Variants in PHKG1 observed in about 807,000 individuals in gnomAD.
PHKG1 encodes the protein phosphorylase kinase catalytic subunit gamma 1.
PHKG1 carries 48 observed loss-of-function variants against 50.5 expected under a neutral mutation model. The observed-to-expected ratio is 0.95, with a 90% confidence interval of 0.75 to 1.21. PHKG1 has a LOEUF of 1.21. PHKG1 is among the 50% of genes most tolerant of loss of function. The pLI is 0.00. For synonymous variants in PHKG1, 204 were observed against 212.8 expected (o/e 0.96, Z 0.36); for missense variants, 487 against 519.5 (o/e 0.94, Z 0.61).
At chr7:56,084,309 G>T in intron 4 of PHKG1, 1 of 946,740 alleles carries the variant, frequency 1.1e-6, no homozygotes, top group Non-Finnish European at 1.6e-6. Context: ...GGCTGAAAGA[G>T]GGGACTATGA....
At chr7:56,087,817 C>A (rs769877388) in intron 2 of PHKG1, 41 bp from the exon 3 acceptor site, 4 of 1,548,460 alleles carry the variant, frequency 2.6e-6, no homozygotes, top group Non-Finnish European at 3.5e-6. Context: ...GGGCCCCTCA[C>A]CCCATGGGGG....
chr7:56,082,345 C>T lies in PHKG1; in HGVS notation c.548-92G>A, dbSNP rs369287348. ...CAGTGGCTCATTTCTATAATCCTAGCACTTTGGGAGGCCGAGGCAGGTGGC... is the reference window on the plus strand; with the variant it reads ...CAGTGGCTCATTTCTATAATCCTAGTACTTTGGGAGGCCGAGGCAGGTGGC... On this transcript the variant is annotated intron_variant, in intron 6 of 9. Coordinates refer to ENST00000297373, the MANE Select transcript of PHKG1 (RefSeq NM_006213.5). The T allele has an allele frequency of 7.9e-6, 8 of 1,010,176 alleles. No individual in the cohort carries two copies. In the East Asian group the frequency reaches 1.2e-4, roughly 15 times the overall value. 62.6% of individuals were successfully genotyped at this position (1,010,176 alleles called of 1,614,324 possible). A position where few individuals can be genotyped will look rare whatever the true frequency, so the allele number is the denominator to read the frequency against.
chr7:56,083,539 G>A, intron 5 of PHKG1, 98 bp from the exon 6 acceptor site: 5 of 1,521,256 alleles, frequency 3.3e-6, no homozygotes, highest in Middle Eastern at 1.8e-4. Flanking sequence ...CAAGGGAGCA[G>A]CACACACGCC....
At chr7:56,084,300 G>A (rs1235010096) in intron 4 of PHKG1, 2 of 1,015,562 alleles carry the variant, frequency 2.0e-6, no homozygotes, top group South Asian at 1.4e-5. Flanking sequence ...ATGGCTGGAG[G>A]CTGAAAGAGG....
In PHKG1 at chr7:56,087,760, C is replaced by T; in HGVS notation, c.100G>A (p.Val34Ile). 3 of 1,612,452 alleles carry T rather than the reference C, an allele frequency of 1.9e-6. No homozygotes were observed. The highest frequency in any genetic ancestry group is 1.7e-6 in the Non-Finnish European group (2 of 1,179,936). The change falls in exon 3 of 10, where the codon GTC (valine) becomes ATC (isoleucine). Residue 34 changes from valine to isoleucine, a missense_variant. Coordinates refer to ENST00000297373, the MANE Select transcript of PHKG1 (RefSeq NM_006213.5). ...GTGGGCTTGTGGATGCATCGCCTGA[C>T]CACACTGCTAACGCCCCTGGGAGTG... ...EILGRGVSSV[V>I]RRCIHKPTSQ...
chr7:56,081,415 G>A lies in PHKG1; in HGVS notation c.919-116C>T. On this transcript the variant is annotated intron_variant, in intron 9 of 9. Transcript: ENST00000297373. The surrounding 1 kb of genome is among the most constrained non-coding windows in gnomAD (Gnocchi z 4.6). ...CGAAGCCTTGGGTGGCTTCTGCGGG[G>A]CCTTCCTAGTGTCCCCCACTTCCCA... The A allele has an allele frequency of 7.3e-7, 1 of 1,378,722 alleles. No homozygotes were observed. Among genetic ancestry groups the A allele is most frequent in the Non-Finnish European group, 9.7e-7 (1 of 1,028,248 alleles). The allele number at this position is 1,378,722 out of a possible 1,614,324, so 85.4% of individuals were successfully genotyped here. A position where few individuals can be genotyped will look rare whatever the true frequency, so the allele number is the denominator to read the frequency against.
intron 6 of PHKG1, chr7:56,083,056 A>G (rs1584621764): frequency 2.1e-6 from 1 of 466,478 alleles, no homozygotes; most frequent in Non-Finnish European, 3.9e-6. Flanking sequence ...CAGTGAGCCG[A>G]GATTGTGCCA....
rs530742425 is a variant in PHKG1 at position 56,081,575 on chromosome 7, G to A, written c.918+55C>T. ...TGTAAGGACTCCTGGGAGAGGAGGGGGCTTAGAGGTTTGCACTTAGGGAGC... is the reference window on the plus strand; with the variant it reads ...TGTAAGGACTCCTGGGAGAGGAGGGAGCTTAGAGGTTTGCACTTAGGGAGC... On this transcript the variant is annotated intron_variant, in intron 9 of 9. Coordinates refer to ENST00000297373, the MANE Select transcript of PHKG1 (RefSeq NM_006213.5). The surrounding 1 kb of genome is among the most constrained non-coding windows in gnomAD (Gnocchi z 4.6). 2.5e-6 allele frequency: 4 copies of A among 1,596,570 alleles called. No homozygotes were observed. In the South Asian group the frequency reaches 4.4e-5, roughly 18 times the overall value.
At position 56,080,918 on chromosome 7, in the gene PHKG1, C is replaced by T; in HGVS notation, c.*136G>A. Reference sequence around the variant, plus strand: ...CACAGCCTTTGAGAGGGGATCGTGGCCTCAGTTCCAGGGGTTCCTGGCCAG... The same window carrying T: ...CACAGCCTTTGAGAGGGGATCGTGGTCTCAGTTCCAGGGGTTCCTGGCCAG... On this transcript the variant is annotated 3_prime_UTR_variant, in exon 10 of 10. Transcript: ENST00000297373. 3 of 1,006,600 alleles carry T rather than the reference C, an allele frequency of 3.0e-6. No individual in the cohort carries two copies. Among genetic ancestry groups the T allele is most frequent in the East Asian group, 2.6e-5 (1 of 38,408 alleles). 62.4% of individuals were successfully genotyped at this position (1,006,600 alleles called of 1,614,324 possible). A position where few individuals can be genotyped will look rare whatever the true frequency, so the allele number is the denominator to read the frequency against.
In PHKG1 at chr7:56,088,918, CG is replaced by C; in HGVS notation, c.23del (p.Pro8ArgfsTer41). 6.2e-7 allele frequency: 1 copy of C among 1,613,396 alleles called. No homozygotes were observed. The highest frequency in any genetic ancestry group is 8.5e-7 in the Non-Finnish European group (1 of 1,179,528). ...AGAAGTCCTGTGCAGAATGAGAGTCCGGCAGTGCCTCGTCCCGGGTCATGCT... is the reference window on the plus strand; with the variant it reads ...AGAAGTCCTGTGCAGAATGAGAGTCCGCAGTGCCTCGTCCCGGGTCATGCT... MTRDEAL[P>X]DSHSAQDFYE... On this transcript the variant is annotated frameshift_variant, in exon 2 of 10. Transcript: ENST00000297373. LOFTEE classifies it high-confidence loss of function.
At chr7:56,091,516 CAA>C (rs35935362) in intron 1 of PHKG1, among the ~76,000 whole-genome samples, 1 of 144,042 alleles carries the variant, frequency 6.9e-6, no homozygotes, top group African/African-American at 2.6e-5. Flanking sequence ...GACTCCATCT[CAA>C]AAAAAAAAAG....
chr7:56,083,794 C>T, intron 4 of PHKG1, 79 bp from the exon 5 acceptor site: 1 of 985,104 alleles, frequency 1.0e-6, no homozygotes, highest in Non-Finnish European at 1.6e-6. Context: ...GAGCTGCCTT[C>T]CACCCTGATA....
intron 4 of PHKG1, chr7:56,084,375 T>A: frequency 1.9e-6 from 1 of 529,614 alleles, no homozygotes; most frequent in Non-Finnish European, 3.3e-6. Flanking sequence ...TCCCGATTTT[T>A]TTTTTTTTTT....
chr7:56,082,067 G>A, intron 7 of PHKG1, 21 bp from the exon 8 acceptor site: 2 of 1,610,126 alleles, frequency 1.2e-6, no homozygotes, highest in Non-Finnish European at 1.7e-6. Flanking sequence ...GAGGGCCCAG[G>A]GCCACTTACC....
At position 56,084,177 on chromosome 7, in the gene PHKG1, T is replaced by C. The variant is rs895180095; in HGVS notation, c.318-462A>G. ...GCCCTGCCCTGGGCCCTGAAGTTGG[T>C]GGACTTGGGAGAGTCCCAGCCCAAG... On this transcript the variant is annotated intron_variant, in intron 4 of 9. Coordinates refer to ENST00000297373, the MANE Select transcript of PHKG1 (RefSeq NM_006213.5). 33 of 1,534,178 alleles carry C rather than the reference T, an allele frequency of 2.2e-5. No individual in the cohort carries two copies. The African/African-American group carries it at 4.4e-4, about 20-fold the overall frequency.
Position 56,083,334 on chromosome 7 carries a change from A to G in PHKG1, c.491T>C (p.Ile164Thr), listed in dbSNP as rs1256011900. 6.2e-7 allele frequency: 1 copy of G among 1,614,068 alleles called. No individual in the cohort carries two copies. The highest frequency in any genetic ancestry group is 2.2e-5 in the East Asian group (1 of 44,868). ...GGAAAAGCCAAAGTCTGTGAGCTTG[A>G]TGTTCATGTTGTCATCCAAGAGAAT... ...ENILLDDNMN[I>T]KLTDFGFSCQ... The change falls in exon 6 of 10, where the codon ATC becomes ACC. Residue 164 changes from isoleucine to threonine, a missense_variant. Ile to Thr is a moderately conservative substitution (Grantham distance 89). Coordinates refer to ENST00000297373, the MANE Select transcript of PHKG1 (RefSeq NM_006213.5).
At chr7:56,089,426 G>A (rs910023542) in intron 1 of PHKG1, among the ~76,000 whole-genome samples, 1 of 113,900 alleles carries the variant, frequency 8.8e-6, no homozygotes, top group African/African-American at 3.3e-5. Flanking sequence ...TTGTAGAGAT[G>A]GGGTCATGCT....
chr7:56,083,518 C>T, intron 5 of PHKG1, 77 bp from the exon 6 acceptor site: 1 of 1,557,376 alleles, frequency 6.4e-7, no homozygotes, highest in Non-Finnish European at 8.8e-7. Context: ...GCTCACATTT[C>T]AGCCACACTG....
chr7:56,087,573 C>T (rs748972267), intron 3 of PHKG1, 25 bp downstream of exon 3: 28 of 1,601,754 alleles, frequency 1.7e-5, no homozygotes, highest in African/African-American at 1.7e-4. Flanking sequence ...GGCACCCTGC[C>T]GTGTGGCTTG....
Sources: allele counts gnomAD v4.1 joint callset (sites outside exome capture counted in the v4.1 genomes callset), GRCh38; gene constraint gnomAD v4.1.1; non-coding constraint Gnocchi (gnomAD v3.1); transcripts MANE v1.5; gene names NCBI Gene and HGNC (gene_info 2026-07-23, HGNC 2026-07-21).